The following BLOC1S2 variants were observed in gnomAD, a reference collection of about 807,000 sequenced individuals.
BLOC1S2 encodes the protein biogenesis of lysosomal organelles complex 1 subunit 2, also known as biogenesis of lysosome-related organelles complex 1 subunit 2.
BLOC1S2 carries 12 observed loss-of-function variants against 19.6 expected under a neutral mutation model. The observed-to-expected ratio is 0.61, with a 90% CI of 0.39 to 0.99. BLOC1S2 has a LOEUF of 0.99. BLOC1S2 is among the 50% of genes least tolerant of loss of function. The pLI is 0.00. For missense variants in BLOC1S2, 142 were observed against 171.0 expected (o/e 0.83, Z 0.95); for synonymous variants, 66 against 64.1 (o/e 1.03, Z -0.14).
chr10:100,282,052 G>A (rs1235070358), intron 2 of BLOC1S2, among the ~76,000 whole-genome samples: 3 of 152,028 alleles, frequency 2.0e-5, no homozygotes, highest in Admixed American at 2.0e-4. Context: ...TTCTTGCCAA[G>A]ACAACCCCCT....
At chr10:100,276,272 A>G (rs1847845565) in intron 4 of BLOC1S2, among the ~76,000 whole-genome samples, 1 of 151,164 alleles carries the variant, frequency 6.6e-6, no homozygotes, top group African/African-American at 2.4e-5. Flanking sequence ...TGTTATAAGG[A>G]CAAAAACAAA....
chr10:100,275,638 A>G, intron 4 of BLOC1S2, 145 bp from the exon 5 acceptor site: 1 of 702,990 alleles, frequency 1.4e-6, no homozygotes, highest in Non-Finnish European at 2.3e-6. Flanking sequence ...GTCCAAATAT[A>G]CGGATCACTG....
Position 100,273,719 on chromosome 10 carries a change from T to A in BLOC1S2, c.*1743A>T, listed in dbSNP as rs1326328528. On this transcript the variant is annotated 3_prime_UTR_variant, in exon 5 of 5. Transcript: ENST00000370372. ...GCATGGTGGTGGGCACCTGTAAATC[T>A]CAACTACTCGGGAGGCTGAGGCAGG... 1 of 150,664 alleles carries A rather than the reference T, an allele frequency of 6.6e-6. No homozygotes were observed. The highest frequency in any genetic ancestry group is 2.0e-4 in the East Asian group (1 of 5,110). The allele number at this position is 150,664 out of a possible 1,614,324, so 9.3% of individuals were successfully genotyped here. A position where few individuals can be genotyped will look rare whatever the true frequency, so the allele number is the denominator to read the frequency against.
At chr10:100,281,075 G>A in intron 2 of BLOC1S2, 22 bp from the exon 3 acceptor site, 1 of 1,610,468 alleles carries the variant, frequency 6.2e-7, no homozygotes. Context: ...AACAGAAGAT[G>A]TAATGTCTTT....
chr10:100,275,370 A>C lies in BLOC1S2; in HGVS notation c.*92T>G. ...GACCAGCATAATTTCCTTTTGAGGA[A>C]TTTTCACAATTCATCAGCCTCAGGA... On this transcript the variant is annotated 3_prime_UTR_variant, in exon 5 of 5. Coordinates refer to ENST00000370372, the MANE Select transcript of BLOC1S2 (RefSeq NM_173809.5). 1 of 1,343,104 alleles carries C rather than the reference A, an allele frequency of 7.4e-7. No individual in the cohort carries two copies. The highest frequency in any genetic ancestry group is 1.0e-6 in the Non-Finnish European group (1 of 972,800). The allele number at this position is 1,343,104 out of a possible 1,614,324, so 83.2% of individuals were successfully genotyped here. A position where few individuals can be genotyped will look rare whatever the true frequency, so the allele number is the denominator to read the frequency against.
chr10:100,280,796 C>A, intron 3 of BLOC1S2, 138 bp downstream of exon 3: 1 of 1,208,998 alleles, frequency 8.3e-7, no homozygotes, highest in Non-Finnish European at 1.1e-6. Context: ...GGAAGAAATT[C>A]ATCTTAAATT....
intron 2 of BLOC1S2, among the ~76,000 whole-genome samples, chr10:100,282,366 C>T (rs1848130832): frequency 1.3e-5 from 2 of 152,206 alleles, no homozygotes; most frequent in Non-Finnish European, 2.9e-5. Flanking sequence ...CCCTACCATC[C>T]AGAGATTACA....
Position 100,280,221 on chromosome 10 carries a change from T to C in BLOC1S2, c.300A>G (p.Gly100=). 1 of 1,602,914 alleles carries C rather than the reference T, an allele frequency of 6.2e-7. No homozygotes were observed. The highest frequency in any genetic ancestry group is 2.2e-5 in the East Asian group (1 of 44,728). Residue 100 remains glycine, a synonymous_variant, in exon 4 of 5, where the codon GGA becomes GGG. Transcript: ENST00000370372. Reference sequence around the variant, plus strand: ...TGATCTGATCCAGATAAGGCTGCAGTCCAGCATCTTTAAAAACAAAGAAAA... The same window carrying C: ...TGATCTGATCCAGATAAGGCTGCAGCCCAGCATCTTTAAAAACAAAGAAAA... ...NLKDLNQKYA[G]LQPYLDQINV... is the part of the protein sequence containing the mutation.
chr10:100,286,399 C>G (rs1848241141), intron 1 of BLOC1S2, 186 bp from the exon 2 acceptor site: 1 of 1,457,596 alleles, frequency 6.9e-7, no homozygotes, highest in African/African-American at 1.4e-5. Context: ...CTCCCTCGCA[C>G]CGCCCCTCGC....
chr10:100,277,072 G>C (rs1338074759), intron 4 of BLOC1S2, among the ~76,000 whole-genome samples: 10 of 150,274 alleles, frequency 6.7e-5, no homozygotes, highest in African/African-American at 2.5e-4. Flanking sequence ...GCCTCCTCCC[G>C]GCCGCCATCC....
intron 2 of BLOC1S2, among the ~76,000 whole-genome samples, chr10:100,282,693 A>C (rs1010076218): frequency 3.3e-5 from 5 of 152,270 alleles, no homozygotes; most frequent in African/African-American, 1.2e-4. Context: ...CTTATGCTAG[A>C]AACTAGCATA....
chr10:100,278,280 T>C (rs1188863182), intron 4 of BLOC1S2, among the ~76,000 whole-genome samples: 5 of 151,426 alleles, frequency 3.3e-5, no homozygotes, highest in Non-Finnish European at 7.4e-5. Context: ...CGGCCGCCCC[T>C]ACTGGGAAGT....
chr10:100,281,739 C>T (rs2134362240), intron 2 of BLOC1S2, among the ~76,000 whole-genome samples: 1 of 150,846 alleles, frequency 6.6e-6, no homozygotes, highest in Non-Finnish European at 1.5e-5. Context: ...CACACACACA[C>T]ACACACTATC....
chr10:100,281,632 G>A (rs1003061861), intron 2 of BLOC1S2, among the ~76,000 whole-genome samples: 91 of 150,572 alleles, frequency 6.0e-4, no homozygotes, highest in African/African-American at 2.0e-3. Flanking sequence ...GCAGTGAGCC[G>A]AGATTGTGCC....
At chr10:100,277,492 T>G (rs1847931237) in intron 4 of BLOC1S2, among the ~76,000 whole-genome samples, 2 of 103,594 alleles carry the variant, frequency 1.9e-5, no homozygotes. Flanking sequence ...AGCCGTCCCG[T>G]CCGGGAGGGA....
intron 1 of BLOC1S2, 71 bp from the exon 2 acceptor site, chr10:100,286,284 G>A (rs1848235775): frequency 5.2e-6 from 8 of 1,549,850 alleles, no homozygotes; most frequent in Non-Finnish European, 6.1e-6. Context: ...AGCCTGTTCC[G>A]ACATCCCTCC....
At position 100,286,104 on chromosome 10, in the gene BLOC1S2, T is replaced by C. The variant is rs558294871; in HGVS notation, c.165A>G (p.Glu55=). Residue 55 remains glutamate, a synonymous_variant, in exon 2 of 5, where the codon GAA becomes GAG. Transcript: ENST00000370372. ...FSKMATYLTG[E]LTATSEDYKL... ...ACCCAGACCCCGCCTCACCCGTCAG[T>C]TCCCCAGTCAGGTAAGTGGCCATTT... The C allele has an allele frequency of 4.6e-5, 75 of 1,613,460 alleles. No individual in the cohort carries two copies. Among genetic ancestry groups the C allele is most frequent in the Non-Finnish European group, 6.0e-5 (71 of 1,179,756 alleles).
intron 2 of BLOC1S2, 92 bp from the exon 3 acceptor site, chr10:100,281,145 G>A: frequency 6.8e-7 from 1 of 1,480,934 alleles, no homozygotes; most frequent in Non-Finnish European, 9.2e-7. Context: ...TTCAAGGCAG[G>A]ACCAAGGAAG....
rs1490855226 is a variant in BLOC1S2 at position 100,280,359 on chromosome 10, C to G, written c.293-131G>C. ...ACAGATTAGGTGGCGTGACATGATT[C>G]TGAGCACTAGCAGGGCAGATGCTTT... On this transcript the variant is annotated intron_variant, in intron 3 of 4. Transcript: ENST00000370372. 3 of 734,944 alleles carry G rather than the reference C, an allele frequency of 4.1e-6. No individual in the cohort carries two copies. The African/African-American group carries it at 5.4e-5, about 13-fold the overall frequency. 45.5% of individuals were successfully genotyped at this position (734,944 alleles called of 1,614,324 possible). A position where few individuals can be genotyped will look rare whatever the true frequency, so the allele number is the denominator to read the frequency against.
Sources: allele counts gnomAD v4.1 joint callset (sites outside exome capture counted in the v4.1 genomes callset), GRCh38; gene constraint gnomAD v4.1.1; transcripts MANE v1.5; gene names NCBI Gene and HGNC (gene_info 2026-07-23, HGNC 2026-07-21).